MINAR1: variants seen among roughly 807,000 people sequenced by gnomAD.
MINAR1 encodes major intrinsically disordered Notch2-binding receptor 1.
MINAR1 carries 40 observed loss-of-function variants against 65.1 expected under a neutral mutation model. The ratio of observed to expected loss-of-function variants is 0.61; its 90% CI spans 0.48 to 0.80. The LOEUF (loss-of-function observed/expected upper bound fraction) is 0.80, where lower values mean the gene tolerates loss of function less well. MINAR1 is among the 30% of genes least tolerant of loss of function. The pLI is 0.00. For missense variants in MINAR1, 1,128 were observed against 1,148.0 expected, an observed-to-expected ratio of 0.98 and a Z score of 0.25; for synonymous variants, 482 against 449.1, an observed-to-expected ratio of 1.07 and a Z score of -0.93.
chr15:79,439,670 C>G (rs572082294), intron 1 of MINAR1, among the ~76,000 whole-genome samples: 19 of 151,912 alleles, frequency 1.3e-4, no homozygotes, highest in African/African-American at 4.4e-4. Context: ...ACTGCTGCTC[C>G]CCTTCCTCTA....
rs766917763 is a variant in MINAR1 at position 79,456,589 on chromosome 15, C to T, written c.442C>T (p.Arg148Trp). ...TGAGCTGAGTGAGAGGTCTTTCAGC[C>T]GGGGCTACCCCATCAGGCAGTCGTC... Reference protein sequence around the residue: ...NCELSERSFSRGYPIRQSSKC... With the variant: ...NCELSERSFSWGYPIRQSSKC... Residue 148 changes from arginine (R) to tryptophan (W), a missense_variant, in exon 2 of 4, where the codon CGG becomes TGG. By Grantham distance (101) the Arg-to-Trp change is moderately radical (BLOSUM62 -3). Transcript: ENST00000305428. The T allele has an allele frequency of 1.9e-5, 31 of 1,613,994 alleles. No homozygotes were observed. In the Admixed American group the frequency reaches 2.7e-4, roughly 14 times the overall value.
At chr15:79,465,504 C>T (rs914500230) in intron 3 of MINAR1, among the ~76,000 whole-genome samples, 5 of 152,064 alleles carry the variant, frequency 3.3e-5, no homozygotes, top group East Asian at 1.9e-4. Context: ...CTACTTGGTG[C>T]GATTACAGCT....
intron 1 of MINAR1, among the ~76,000 whole-genome samples, chr15:79,452,141 G>A (rs1486509179): frequency 6.6e-6 from 1 of 152,130 alleles, no homozygotes; most frequent in Non-Finnish European, 1.5e-5. Context: ...GTGTGGAAGT[G>A]CGACAGCGTA....
intron 1 of MINAR1, among the ~76,000 whole-genome samples, chr15:79,437,692 TGAG>T: frequency 2.9e-5 from 1 of 33,910 alleles, no homozygotes; most frequent in Non-Finnish European, 6.0e-5. Context: ...GCGTGGGTAG[TGAG>T]TGTGTGGGGT....
chr15:79,420,689 A>G, the MINAR1 span: 2 of 152,210 alleles, frequency 1.3e-5, no homozygotes, highest in African/African-American at 4.8e-5. Context: ...TCACCTGAAA[A>G]GGACTTTTAT....
At chr15:79,435,117 A>C (rs1401317739) in intron 1 of MINAR1, among the ~76,000 whole-genome samples, 2 of 152,190 alleles carry the variant, frequency 1.3e-5, no homozygotes, top group African/African-American at 4.8e-5. Context: ...TTTACTAAAA[A>C]TACAAAAAAT....
At chr15:79,446,495 AT>A (rs563560314) in intron 1 of MINAR1, among the ~76,000 whole-genome samples, 5 of 151,750 alleles carry the variant, frequency 3.3e-5, no homozygotes, top group East Asian at 1.9e-4. Flanking sequence ...TCTGTATATT[AT>A]TTTTTTCAGT....
At chr15:79,436,387 CT>C (rs1322092336) in intron 1 of MINAR1, among the ~76,000 whole-genome samples, 2 of 152,148 alleles carry the variant, frequency 1.3e-5, no homozygotes, top group African/African-American at 4.8e-5. Context: ...GGTTGGAGAG[CT>C]TATTTGGTAA....
chr15:79,448,797 T>C (rs994285078), intron 1 of MINAR1, among the ~76,000 whole-genome samples: 1 of 152,148 alleles, frequency 6.6e-6, no homozygotes, highest in East Asian at 1.9e-4. Context: ...TCTAATGGAG[T>C]TGTTGGAAAT....
At chr15:79,458,820 G>A (rs1895537908) in intron 2 of MINAR1, among the ~76,000 whole-genome samples, 1 of 152,192 alleles carries the variant, frequency 6.6e-6, no homozygotes, top group East Asian at 1.9e-4. Context: ...AGGTACACGA[G>A]GGAAAATACT....
In MINAR1 at chr15:79,470,000, G is replaced by GTTAA. The variant is rs943078026; in HGVS notation, c.*1619_*1622dup. 1.3e-5 allele frequency: 2 copies of GTTAA among 152,606 alleles called. No homozygotes were observed. The highest frequency in any genetic ancestry group is 4.8e-5 in the African/African-American group (2 of 41,438). The allele number at this position is 152,606 out of a possible 1,614,324, so 9.5% of individuals were successfully genotyped here. A position where few individuals can be genotyped will look rare whatever the true frequency, so the allele number is the denominator to read the frequency against. On this transcript the variant is annotated 3_prime_UTR_variant, in exon 4 of 4. Coordinates refer to ENST00000305428, the MANE Select transcript of MINAR1 (RefSeq NM_015206.3). ...GTTGTTCACCATTAAGGGGTAGACA[G>GTTAA]TTAATTTTATTATGTTAACAAGTGA...
In MINAR1 at chr15:79,446,715, G is replaced by C. The variant is rs79167499; in HGVS notation, c.-50-9383G>C. 6.1e-3 allele frequency among the ~76,000 whole-genome samples: 929 copies of C among 152,160 alleles called. 36 individuals carry two copies. The East Asian group carries it at 0.11, about 18-fold the overall frequency. On this transcript the variant is annotated intron_variant, in intron 1 of 3. Coordinates refer to ENST00000305428, the MANE Select transcript of MINAR1 (RefSeq NM_015206.3). Reference sequence around the variant, plus strand: ...ATTTAGTATTTATATCACTCCTTGAGTTAGAAGATTCATGCTTTCAATTCT... The same window carrying C: ...ATTTAGTATTTATATCACTCCTTGACTTAGAAGATTCATGCTTTCAATTCT...
intron 3 of MINAR1, among the ~76,000 whole-genome samples, chr15:79,464,493 T>C (rs1895768976): frequency 6.6e-6 from 1 of 152,244 alleles, no homozygotes; most frequent in South Asian, 2.1e-4. Flanking sequence ...CTCGATAATT[T>C]GCCCCAGGTC....
In MINAR1 at chr15:79,471,515, AGC is replaced by A. The variant is rs1377987365; in HGVS notation, c.*3132_*3133del. 1.3e-5 allele frequency: 2 copies of A among 152,580 alleles called. No homozygotes were observed. The highest frequency in any genetic ancestry group is 3.8e-4 in the East Asian group (2 of 5,198). 9.5% of individuals were successfully genotyped at this position (152,580 alleles called of 1,614,324 possible). A position where few individuals can be genotyped will look rare whatever the true frequency, so the allele number is the denominator to read the frequency against. ...ATCATAACTTACATCATCCATTACTAGCTGATCATAAATTGTTAGTATTTTAA... is the reference window on the plus strand; with the variant it reads ...ATCATAACTTACATCATCCATTACTATGATCATAAATTGTTAGTATTTTAA... On this transcript the variant is annotated 3_prime_UTR_variant, in exon 4 of 4. Transcript: ENST00000305428.
intron 2 of MINAR1, 52 bp from the exon 3 acceptor site, chr15:79,463,015 A>G: frequency 1.3e-6 from 2 of 1,568,562 alleles, no homozygotes; most frequent in Non-Finnish European, 1.7e-6. Flanking sequence ...TGCACTGTGA[A>G]ATCCAAGGGC....
rs557152436 is a variant in MINAR1, at chr15:79,469,425, T to TATA, written c.*1052_*1054dup. On this transcript the variant is annotated 3_prime_UTR_variant, in exon 4 of 4. Coordinates refer to ENST00000305428, the MANE Select transcript of MINAR1 (RefSeq NM_015206.3). The stretch of plus-strand genomic sequence containing the variant: ...AAGCTTGCTCAATAATGTTCAATAA[T>TATA]ATAATAATAATAAAGGCACTGAGGT... 6.6e-6 allele frequency: 1 copy of TATA among 152,584 alleles called. No homozygotes were observed. The highest frequency in any genetic ancestry group is 6.5e-5 in the Admixed American group (1 of 15,274). 9.5% of individuals were successfully genotyped at this position (152,584 alleles called of 1,614,324 possible). A position where few individuals can be genotyped will look rare whatever the true frequency, so the allele number is the denominator to read the frequency against.
Position 79,465,921 on chromosome 15 carries a change from C to G in MINAR1, c.2554-2266C>G, listed in dbSNP as rs148064313. 7.2e-5 allele frequency among the ~76,000 whole-genome samples: 11 copies of G among 152,158 alleles called. No individual in the cohort carries two copies. The East Asian group carries it at 2.1e-3, about 30-fold the overall frequency. ...AGGAGAGCAGACTGGCCCCAAGGGC[C>G]TGTGGCAAGCAGAGCTTTGGTGGCT... is the stretch of plus-strand genomic sequence containing the variant. On this transcript the variant is annotated intron_variant, in intron 3 of 3. Coordinates refer to ENST00000305428, the MANE Select transcript of MINAR1 (RefSeq NM_015206.3).
the MINAR1 span, chr15:79,412,986 G>T: frequency 6.6e-6 from 1 of 152,140 alleles, no homozygotes; most frequent in Admixed American, 6.5e-5. Context: ...TTCCAGAAAT[G>T]AAGCCAGTCA....
At chr15:79,460,213 C>T (rs1895597025) in intron 2 of MINAR1, among the ~76,000 whole-genome samples, 1 of 152,196 alleles carries the variant, frequency 6.6e-6, no homozygotes, top group Non-Finnish European at 1.5e-5. Flanking sequence ...CTCTCACCAC[C>T]TTGGGGATGG....
Sources: allele counts gnomAD v4.1 joint callset (sites outside exome capture counted in the v4.1 genomes callset), GRCh38; gene constraint gnomAD v4.1.1; transcripts MANE v1.5; gene names NCBI Gene and HGNC (gene_info 2026-07-23, HGNC 2026-07-21).